Variants in GPATCH2 observed in about 807,000 individuals in gnomAD.
The protein encoded by GPATCH2 is G-patch domain containing 2, also known as G patch domain-containing protein 2.
Under a neutral mutation model 58.0 loss-of-function variants are expected in GPATCH2, and 51 were observed. The observed-to-expected ratio is 0.88, with a 90% CI of 0.70 to 1.11. The LOEUF is 1.11. Ranked by LOEUF, GPATCH2 falls within the 50% of genes most tolerant of loss-of-function variation. The probability of loss-of-function intolerance (pLI) is 0.00; values close to 1 mark genes in which losing one functional copy is unlikely to be tolerated. For missense variants in GPATCH2, 625 were observed against 652.2 expected (o/e 0.96, Z 0.45); for synonymous variants, 222 against 218.5 (o/e 1.02, Z -0.14).
At chr1:217,454,274 G>A (rs1659814279) in intron 8 of GPATCH2, among the ~76,000 whole-genome samples, 1 of 152,158 alleles carries the variant, frequency 6.6e-6, no homozygotes, top group African/African-American at 2.4e-5. Context: ...GTTTTATAAC[G>A]ACTAGAATGA....
At chr1:217,456,942 T>C (rs1294410747) in intron 8 of GPATCH2, among the ~76,000 whole-genome samples, 1 of 152,198 alleles carries the variant, frequency 6.6e-6, no homozygotes, top group Non-Finnish European at 1.5e-5. Flanking sequence ...AACAAAATAC[T>C]GATGATAATG....
At chr1:217,434,800 CA>C (rs1225201382) in intron 9 of GPATCH2, among the ~76,000 whole-genome samples, 2 of 152,060 alleles carry the variant, frequency 1.3e-5, no homozygotes, top group Non-Finnish European at 2.9e-5. Context: ...CAGGGTAGCC[CA>C]GGGGTGACCA....
rs201402598 is a variant in GPATCH2 at position 217,463,641 on chromosome 1, CAAAAAA to C, written c.1278-14310_1278-14305del. The stretch of plus-strand genomic sequence containing the variant: ...GCAACATAGCAAGAACTTATCACTC[CAAAAAA>C]AAAAAAAAAAAAAAAAAAAAAAAAA... On this transcript the variant is annotated intron_variant, in intron 8 of 9. Coordinates refer to ENST00000366935, the MANE Select transcript of GPATCH2 (RefSeq NM_018040.5). Among the ~76,000 whole-genome samples, 471 of 82,178 alleles carry C rather than the reference CAAAAAA, an allele frequency of 5.7e-3. 1 individual carries two copies. The highest frequency in any genetic ancestry group is 0.031 in the African/African-American group (452 of 14,652). The allele number at this position is 82,178 out of a possible 152,430, so 53.9% of individuals were successfully genotyped here. A position where few individuals can be genotyped will look rare whatever the true frequency, so the allele number is the denominator to read the frequency against.
intron 7 of GPATCH2, among the ~76,000 whole-genome samples, chr1:217,494,078 GAATTT>G (rs1661887286): frequency 1.3e-5 from 2 of 152,154 alleles, no homozygotes; most frequent in Non-Finnish European, 2.9e-5. Context: ...CAATCTGGAT[GAATTT>G]AAATGAGATA....
chr1:217,505,626 G>T (rs1184389967), intron 6 of GPATCH2, among the ~76,000 whole-genome samples: 1 of 149,400 alleles, frequency 6.7e-6, no homozygotes, highest in Non-Finnish European at 1.5e-5. Context: ...GTACTTTTCA[G>T]AAGGAAAGAG....
intron 8 of GPATCH2, among the ~76,000 whole-genome samples, chr1:217,465,877 C>T (rs145337077): frequency 1.0e-3 from 156 of 152,306 alleles, no homozygotes; most frequent in African/African-American, 3.5e-3. Context: ...TCTAGTCAAA[C>T]TCTTGGCCTT....
chr1:217,627,342 T>G (rs1669517778), intron 1 of GPATCH2, among the ~76,000 whole-genome samples: 2 of 152,024 alleles, frequency 1.3e-5, no homozygotes, highest in South Asian at 4.1e-4. Context: ...TCTGAGGTCA[T>G]GAAGCACTCT....
At chr1:217,617,001 T>C (rs1446060597) in intron 2 of GPATCH2, among the ~76,000 whole-genome samples, 2 of 134,330 alleles carry the variant, frequency 1.5e-5, no homozygotes, top group East Asian at 4.3e-4. Flanking sequence ...CACTTAAGCA[T>C]GGATTGGAGG....
At chr1:217,441,696 C>T (rs983509506) in intron 9 of GPATCH2, among the ~76,000 whole-genome samples, 1 of 152,150 alleles carries the variant, frequency 6.6e-6, no homozygotes, top group Non-Finnish European at 1.5e-5. Flanking sequence ...TATGAACAGA[C>T]ACTTCTCAAA....
chr1:217,578,579 G>A (rs1666917376), intron 5 of GPATCH2, among the ~76,000 whole-genome samples: 1 of 152,112 alleles, frequency 6.6e-6, no homozygotes, highest in Admixed American at 6.5e-5. Flanking sequence ...ACTAAGTCCT[G>A]GCTGAGGTTT....
At chr1:217,522,909 CAAAG>C (rs1259751365) in intron 5 of GPATCH2, among the ~76,000 whole-genome samples, 2 of 151,460 alleles carry the variant, frequency 1.3e-5, no homozygotes, top group Non-Finnish European at 2.9e-5. Context: ...GAGGCAAACA[CAAAG>C]AAGACTGAAT....
At chr1:217,580,449 A>C (rs545363795) in intron 5 of GPATCH2, among the ~76,000 whole-genome samples, 1 of 152,334 alleles carries the variant, frequency 6.6e-6, no homozygotes, top group South Asian at 2.1e-4. Flanking sequence ...CTAGAAAAAC[A>C]AATCTGTATC....
chr1:217,498,475 TAAGAAATTTGTCACCAGCAAC>T (rs1662121965), intron 6 of GPATCH2, 80 bp from the exon 7 acceptor site: 1 of 1,047,952 alleles, frequency 9.5e-7, no homozygotes, highest in Non-Finnish European at 1.5e-6. Context: ...GCATGTGCTT[TAAGAAATTTGTCACCAGCAAC>T]ACAGCCTTAA....
At chr1:217,528,196 T>C (rs564666069) in intron 5 of GPATCH2, among the ~76,000 whole-genome samples, 1 of 152,310 alleles carries the variant, frequency 6.6e-6, no homozygotes, top group African/African-American at 2.4e-5. Flanking sequence ...CTAAGAATAT[T>C]GTTCATCCTG....
chr1:217,525,754 A>T (rs1290070054), intron 5 of GPATCH2, among the ~76,000 whole-genome samples: 1 of 152,184 alleles, frequency 6.6e-6, no homozygotes, highest in Admixed American at 6.5e-5. Flanking sequence ...GCAATACGGT[A>T]GTGAAGATAA....
chr1:217,612,429 A>G (rs1668679771), intron 3 of GPATCH2, among the ~76,000 whole-genome samples: 1 of 152,194 alleles, frequency 6.6e-6, no homozygotes, highest in Non-Finnish European at 1.5e-5. Flanking sequence ...TCAGTTGAAA[A>G]TTATTTTATG....
chr1:217,521,525 T>C (rs1233914350), intron 5 of GPATCH2, among the ~76,000 whole-genome samples: 1 of 152,128 alleles, frequency 6.6e-6, no homozygotes, highest in Admixed American at 6.5e-5. Context: ...CTATTTTAAG[T>C]ATATGCAATG....
chr1:217,620,368 C>T lies in GPATCH2; in HGVS notation c.188G>A (p.Arg63His). Reference sequence around the variant, plus strand: ...TCTCCCTCTCCTTTTCCTTGCCTGGCGTTTCAGAGGGCAAGATATACTTCG... The same window carrying T: ...TCTCCCTCTCCTTTTCCTTGCCTGGTGTTTCAGAGGGCAAGATATACTTCG... ...HSRSISCPLKRQARKRRGRKR... is the reference protein window; with the variant it reads ...HSRSISCPLKHQARKRRGRKR... The change falls in exon 2 of 10, where the codon CGC (arginine) becomes CAC (histidine). Residue 63 changes from arginine (R) to histidine (H), a missense_variant. Transcript: ENST00000366935. The T allele has an allele frequency of 2.5e-6, 4 of 1,613,956 alleles. No homozygotes were observed. Among genetic ancestry groups the T allele is most frequent in the Non-Finnish European group, 3.4e-6 (4 of 1,179,930 alleles).
chr1:217,585,911 T>A (rs984201873), intron 5 of GPATCH2, among the ~76,000 whole-genome samples: 4 of 152,212 alleles, frequency 2.6e-5, no homozygotes, highest in African/African-American at 9.6e-5. Context: ...TACAGCATGT[T>A]ACTGTATTGA....
Sources: allele counts gnomAD v4.1 joint callset (sites outside exome capture counted in the v4.1 genomes callset), GRCh38; gene constraint gnomAD v4.1.1; transcripts MANE v1.5; gene names NCBI Gene and HGNC (gene_info 2026-07-23, HGNC 2026-07-21).